Variants in RBFOX1 observed in about 807,000 individuals in gnomAD.
The protein encoded by RBFOX1 is RNA binding fox-1 homolog 1.
Under a neutral mutation model 57.7 loss-of-function variants are expected in RBFOX1, and 8 were observed. The observed-to-expected ratio is 0.14, with a 90% confidence interval of 0.08 to 0.25. The LOEUF is 0.25. RBFOX1 is among the 10% of genes least tolerant of loss of function. The probability of loss-of-function intolerance (pLI) is 1.00; values close to 1 mark genes in which losing one functional copy is unlikely to be tolerated. For synonymous variants in RBFOX1, 326 were observed against 222.4 expected, an observed-to-expected ratio of 1.47 and a Z score of -4.15; for missense variants, 611 against 548.5, an observed-to-expected ratio of 1.11 and a Z score of -1.14.
intron 2 of RBFOX1, among the ~76,000 whole-genome samples, chr16:6,573,151 C>G (rs957565557): frequency 2.0e-5 from 3 of 152,114 alleles, no homozygotes; most frequent in African/African-American, 7.2e-5. Context: ...CAGGGTTTCA[C>G]CACTACCAGA....
chr16:5,788,355 G>A (rs556580330), intron 3 of RBFOX1, among the ~76,000 whole-genome samples: 6 of 152,094 alleles, frequency 3.9e-5, no homozygotes, highest in East Asian at 1.9e-4. Flanking sequence ...GTGGCTGGGC[G>A]TGGTGGCTCA....
At chr16:6,886,702 C>G (rs1038299507) in intron 3 of RBFOX1, among the ~76,000 whole-genome samples, 2 of 150,968 alleles carry the variant, frequency 1.3e-5, no homozygotes, top group African/African-American at 4.9e-5. Flanking sequence ...TTGCACTAAA[C>G]TGAGATCGCA....
At chr16:7,129,949 C>G (rs1317530675) in intron 4 of RBFOX1, among the ~76,000 whole-genome samples, 2 of 151,942 alleles carry the variant, frequency 1.3e-5, no homozygotes, top group Non-Finnish European at 2.9e-5. Context: ...TGCTTCAAAT[C>G]TCATTTGCCA....
intron 4 of RBFOX1, among the ~76,000 whole-genome samples, chr16:7,337,546 CAT>C (rs1015424581): frequency 2.6e-5 from 4 of 152,150 alleles, no homozygotes; most frequent in Non-Finnish European, 5.9e-5. Context: ...AGTGAAAAAA[CAT>C]AGGTCAAAAG....
At chr16:6,121,622 C>T (rs913708655) in intron 1 of RBFOX1, among the ~76,000 whole-genome samples, 2 of 152,132 alleles carry the variant, frequency 1.3e-5, no homozygotes, top group Admixed American at 6.5e-5. Flanking sequence ...CCTTCTGAGG[C>T]TCAACTCAGT....
At chr16:6,753,655 C>G (rs929594216) in intron 3 of RBFOX1, among the ~76,000 whole-genome samples, 6 of 152,286 alleles carry the variant, frequency 3.9e-5, no homozygotes, top group African/African-American at 1.4e-4. Context: ...GTACTTCTCG[C>G]CTGCCTTCCT....
chr16:7,246,244 T>A (rs2094293319), intron 4 of RBFOX1, among the ~76,000 whole-genome samples: 1 of 152,158 alleles, frequency 6.6e-6, no homozygotes, highest in South Asian at 2.1e-4. Context: ...CCTTAGCCTC[T>A]CCACAGCCAC....
In RBFOX1 at chr16:6,573,834, G is replaced by C. The variant is rs867812433; in HGVS notation, c.-63-80769G>C. 4 of 152,328 alleles carry C rather than the reference G, an allele frequency of 2.6e-5. No homozygotes were observed. In the Middle Eastern group the frequency reaches 0.014, roughly 518 times the overall value. The allele number at this position is 152,328 out of a possible 1,614,324, so 9.4% of individuals were successfully genotyped here. On this transcript the variant is annotated intron_variant, in intron 2 of 15. Transcript: ENST00000550418. ...GCACCGTGGGGAGGCAGTGACACCC[G>C]CTGGCCTCGCAGCGACACTCCGGCA...
chr16:5,242,121 AGAG>A, intron 1 of RBFOX1, among the ~76,000 whole-genome samples: 1 of 139,004 alleles, frequency 7.2e-6, no homozygotes, highest in South Asian at 2.1e-4. Flanking sequence ...TTCAAGGAAA[AGAG>A]AGAGAGAGAG....
At chr16:7,122,186 G>A (rs1412985404) in intron 4 of RBFOX1, among the ~76,000 whole-genome samples, 1 of 152,070 alleles carries the variant, frequency 6.6e-6, no homozygotes, top group Non-Finnish European at 1.5e-5. Context: ...TAAATTATAT[G>A]TGAAGGTCTC....
intron 5 of RBFOX1, among the ~76,000 whole-genome samples, chr16:7,554,277 C>T (rs542022211): frequency 8.5e-5 from 13 of 152,290 alleles, no homozygotes; most frequent in East Asian, 5.8e-4. Flanking sequence ...TAGCAGGAAC[C>T]GTTCTTCAAC....
At chr16:6,327,037 G>C (rs547864875) in intron 2 of RBFOX1, among the ~76,000 whole-genome samples, 83 of 152,122 alleles carry the variant, frequency 5.5e-4, no homozygotes, top group Non-Finnish European at 9.1e-4. Flanking sequence ...GCTCTCTGAA[G>C]ACATGGAGGA....
intron 3 of RBFOX1, among the ~76,000 whole-genome samples, chr16:6,901,178 A>T (rs1214889235): frequency 2.0e-5 from 3 of 152,160 alleles, no homozygotes; most frequent in South Asian, 2.1e-4. Flanking sequence ...TGTCTAACAT[A>T]GGTATTCAAT....
intron 1 of RBFOX1, among the ~76,000 whole-genome samples, chr16:6,301,082 A>G (rs191468898): frequency 1.3e-5 from 2 of 152,198 alleles, no homozygotes; most frequent in African/African-American, 4.8e-5. Context: ...GTCATTGAAA[A>G]AAAAATCCTT....
rs576270258 is a variant in RBFOX1, at chr16:5,509,636, G to A, written c.258+42382G>A. ...AAATTCTCCTCATTTTCCAGGGAAG[G>A]CATTTCCAGTATCACCACGCAGACA... On this transcript the variant is annotated intron_variant, in intron 2 of 2. Transcript: ENST00000585867. Among the ~76,000 whole-genome samples, 3 of 152,312 alleles carry A rather than the reference G, an allele frequency of 2.0e-5. No individual in the cohort carries two copies. In the East Asian group the frequency reaches 5.8e-4, roughly 29 times the overall value.
At chr16:5,694,058 A>G (rs1427074016) in intron 3 of RBFOX1, among the ~76,000 whole-genome samples, 1 of 152,220 alleles carries the variant, frequency 6.6e-6, no homozygotes, top group Non-Finnish European at 1.5e-5. Flanking sequence ...ATTTGAGCTC[A>G]GCTCTCATTT....
chr16:6,206,785 T>G (rs1163576571), intron 1 of RBFOX1, among the ~76,000 whole-genome samples: 1 of 152,132 alleles, frequency 6.6e-6, no homozygotes, highest in Admixed American at 6.6e-5. Flanking sequence ...CTCCCTCCCT[T>G]TTACTTTAAT....
chr16:5,955,028 C>A (rs1418499099), intron 4 of RBFOX1, among the ~76,000 whole-genome samples: 1 of 147,160 alleles, frequency 6.8e-6, no homozygotes, highest in Non-Finnish European at 1.5e-5. Context: ...TCCTTGTAAT[C>A]CCAGCACTTG....
At chr16:6,626,442 TAC>T (rs1176284898) in intron 2 of RBFOX1, among the ~76,000 whole-genome samples, 2 of 152,126 alleles carry the variant, frequency 1.3e-5, no homozygotes, top group South Asian at 2.1e-4. Flanking sequence ...CAAAAATAGA[TAC>T]ACACACTCAA....
Sources: allele counts gnomAD v4.1 joint callset (sites outside exome capture counted in the v4.1 genomes callset), GRCh38; gene constraint gnomAD v4.1.1; transcripts MANE v1.5; gene names NCBI Gene and HGNC (gene_info 2026-07-23, HGNC 2026-07-21).